Variants in AUTS2 observed in about 807,000 individuals in gnomAD.
The protein encoded by AUTS2 is autism susceptibility gene 2 protein.
Under a neutral mutation model 112.4 loss-of-function variants are expected in AUTS2, and 17 were observed. That is an observed-to-expected ratio of 0.15 (90% CI 0.10 to 0.23). The LOEUF (loss-of-function observed/expected upper bound fraction) is 0.23, where lower values mean the gene tolerates loss of function less well. AUTS2 is among the 10% of genes least tolerant of loss of function. The pLI is 1.00. For missense variants in AUTS2, 1,510 were observed against 1,701.6 expected, an observed-to-expected ratio of 0.89 and a Z score of 1.98; for synonymous variants, 751 against 702.7, an observed-to-expected ratio of 1.07 and a Z score of -1.09.
At chr7:69,685,915 A>C (rs1797045877) in intron 1 of AUTS2, among the ~76,000 whole-genome samples, 1 of 152,056 alleles carries the variant, frequency 6.6e-6, no homozygotes, top group Non-Finnish European at 1.5e-5. Context: ...TAAAACAATA[A>C]TCTTTAGAGG....
At chr7:70,336,848 T>A (rs1365065921) in intron 4 of AUTS2, among the ~76,000 whole-genome samples, 1 of 152,190 alleles carries the variant, frequency 6.6e-6, no homozygotes, top group East Asian at 1.9e-4. Context: ...TGCTGGTTGC[T>A]CAGTAAGATA....
At chr7:70,130,637 G>T (rs773396966) in intron 3 of AUTS2, among the ~76,000 whole-genome samples, 4 of 151,998 alleles carry the variant, frequency 2.6e-5, no homozygotes, top group Non-Finnish European at 5.9e-5. Context: ...AATATAATGA[G>T]ATGGAGGTGG....
At chr7:69,928,028 C>T (rs569822059) in intron 2 of AUTS2, among the ~76,000 whole-genome samples, 4 of 152,260 alleles carry the variant, frequency 2.6e-5, no homozygotes, top group South Asian at 2.1e-4. Flanking sequence ...GTCTCACATC[C>T]AGGAAGAATG....
intron 4 of AUTS2, among the ~76,000 whole-genome samples, chr7:70,182,571 T>C (rs905137697): frequency 1.3e-5 from 2 of 152,166 alleles, no homozygotes; most frequent in Non-Finnish European, 2.9e-5. Context: ...GTTCTCAGCT[T>C]TGCTGTTAAA....
intron 5 of AUTS2, among the ~76,000 whole-genome samples, chr7:70,505,440 G>C (rs1798924000): frequency 6.6e-6 from 1 of 152,156 alleles, no homozygotes; most frequent in Non-Finnish European, 1.5e-5. Context: ...CTGTTATTCA[G>C]ATTAGAGGCA....
chr7:70,003,934 T>A (rs1440510156), intron 2 of AUTS2, among the ~76,000 whole-genome samples: 1 of 80,200 alleles, frequency 1.2e-5, no homozygotes, highest in Non-Finnish European at 2.1e-5. Flanking sequence ...ATATATATAT[T>A]ATATATGAAT....
intron 5 of AUTS2, among the ~76,000 whole-genome samples, chr7:70,537,375 GC>G: frequency 6.6e-6 from 1 of 152,112 alleles, no homozygotes. Flanking sequence ...AATTCTCTTT[GC>G]TTAAAATTAA....
chr7:70,353,937 C>T (rs1479306144), intron 4 of AUTS2, among the ~76,000 whole-genome samples: 1 of 152,208 alleles, frequency 6.6e-6, no homozygotes, highest in Non-Finnish European at 1.5e-5. Flanking sequence ...AATTATTTCT[C>T]TGTTGAATGT....
intron 5 of AUTS2, among the ~76,000 whole-genome samples, chr7:70,449,178 C>T (rs1441304934): frequency 1.3e-5 from 2 of 152,244 alleles, no homozygotes; most frequent in Non-Finnish European, 2.9e-5. Context: ...TAAATGCCCT[C>T]CTTGCTTTGT....
chr7:70,525,799 G>C (rs1313142966), intron 5 of AUTS2, among the ~76,000 whole-genome samples: 1 of 152,222 alleles, frequency 6.6e-6, no homozygotes, highest in African/African-American at 2.4e-5. Context: ...AAGTGAGAGA[G>C]GTGGCCTGGA....
intron 5 of AUTS2, among the ~76,000 whole-genome samples, chr7:70,511,427 A>C (rs941247891): frequency 2.6e-5 from 4 of 151,874 alleles, no homozygotes; most frequent in Admixed American, 6.6e-5. Context: ...TGAAGAGATC[A>C]TAATAAAACA....
chr7:69,710,800 A>G (rs952785970), intron 1 of AUTS2, among the ~76,000 whole-genome samples: 1 of 152,192 alleles, frequency 6.6e-6, no homozygotes, highest in African/African-American at 2.4e-5. Context: ...AAGGTGTGGG[A>G]GAAATGTTGC....
At chr7:70,257,366 G>A (rs972479519) in intron 4 of AUTS2, among the ~76,000 whole-genome samples, 2 of 152,158 alleles carry the variant, frequency 1.3e-5, no homozygotes, top group Non-Finnish European at 2.9e-5. Flanking sequence ...CCCCCTGGCT[G>A]GAGTGCAGTG....
intron 1 of AUTS2, among the ~76,000 whole-genome samples, chr7:69,876,261 G>A (rs1793733036): frequency 7.3e-6 from 1 of 137,572 alleles, no homozygotes; most frequent in South Asian, 2.4e-4. Context: ...GGGAGGCAGA[G>A]GTTGCAGTGA....
intron 5 of AUTS2, among the ~76,000 whole-genome samples, chr7:70,657,356 TG>T (rs1806827098): frequency 6.6e-6 from 1 of 152,212 alleles, no homozygotes; most frequent in African/African-American, 2.4e-5. Context: ...CAGAGTGAGC[TG>T]TAGAGTCTCT....
At chr7:70,646,592 C>G (rs907256126) in intron 5 of AUTS2, among the ~76,000 whole-genome samples, 8 of 152,362 alleles carry the variant, frequency 5.3e-5, no homozygotes, top group South Asian at 2.1e-4. Flanking sequence ...CTCTGGCCCC[C>G]CAAGGGGATT....
intron 1 of AUTS2, among the ~76,000 whole-genome samples, chr7:69,845,908 T>C (rs1792175881): frequency 6.6e-6 from 1 of 152,168 alleles, no homozygotes; most frequent in Non-Finnish European, 1.5e-5. Flanking sequence ...ACACTGACTG[T>C]GGACATTCTG....
At chr7:70,297,429 TTTTTTTTTTTTTTTTTATCGA>T (rs1788992630) in intron 4 of AUTS2, among the ~76,000 whole-genome samples, 1 of 149,808 alleles carries the variant, frequency 6.7e-6, no homozygotes, top group Non-Finnish European at 1.5e-5. Context: ...GAAGATAATT[TTTTTTTTTTTTTTTTTATCGA>T]GACAGAGTCT....
intron 5 of AUTS2, among the ~76,000 whole-genome samples, chr7:70,640,085 T>C (rs1363588419): frequency 1.3e-5 from 2 of 152,148 alleles, no homozygotes; most frequent in Non-Finnish European, 2.9e-5. Context: ...GTTTATACTC[T>C]TAACTCAGAG....
Sources: gnomAD v4.1 joint callset for allele counts (sites outside exome capture counted in the v4.1 genomes callset) on GRCh38, gnomAD v4.1.1 for gene constraint, MANE v1.5 for transcripts, NCBI Gene and HGNC (gene_info 2026-07-23, HGNC 2026-07-21) for gene names.